GRIK4: variants seen among roughly 807,000 people sequenced by gnomAD.
GRIK4 encodes glutamate ionotropic receptor kainate type subunit 4, also known as glutamate receptor ionotropic, kainate 4.
In GRIK4, 40 loss-of-function variants were observed where a neutral mutation model predicts 104.9. The observed-to-expected ratio is 0.38, with a 90% CI of 0.30 to 0.50. The LOEUF (loss-of-function observed/expected upper bound fraction) is 0.50. Ranked by LOEUF, GRIK4 falls within the 20% of genes least tolerant of loss-of-function variation. GRIK4 has a pLI of 0.93. For synonymous variants in GRIK4, 485 were observed against 524.9 expected (o/e 0.92, Z 1.04); for missense variants, 1,047 against 1,308.1 (o/e 0.80, Z 3.08).
Position 120,527,137 on chromosome 11 carries a change from G to A in GRIK4, c.-159+15250G>A, listed in dbSNP as rs1947865485. Among the ~76,000 whole-genome samples the A allele has an allele frequency of 3.9e-5, 6 of 152,256 alleles. No homozygotes were observed. The South Asian group carries it at 1.2e-3, about 31-fold the overall frequency. On this transcript the variant is annotated intron_variant, in intron 1 of 20. Transcript: ENST00000527524. ...AGCACCCAGTCCTGGGGAACCTGGA[G>A]GATGCAAAGGCAGGTGGGGTTGCCC...
rs1348446397 is a variant in GRIK4, at chr11:120,819,373, A to C, written c.346-382A>C. The stretch of plus-strand genomic sequence containing the variant: ...GTCTCTGCTCTGATGTATTAACTAC[A>C]AATAAAATATTCTAAGGATTATGCT... On this transcript the variant is annotated intron_variant, in intron 5 of 20. Coordinates refer to ENST00000527524, the MANE Select transcript of GRIK4 (RefSeq NM_014619.5). The surrounding 1 kb of genome is among the most constrained non-coding windows in gnomAD (Gnocchi z 4.3). Among the ~76,000 whole-genome samples, 4 of 152,214 alleles carry C rather than the reference A, an allele frequency of 2.6e-5. No homozygotes were observed. The East Asian group carries it at 7.7e-4, about 29-fold the overall frequency.
intron 3 of GRIK4, among the ~76,000 whole-genome samples, chr11:120,758,880 T>C (rs1226808718): frequency 6.6e-6 from 1 of 152,200 alleles, no homozygotes; most frequent in Non-Finnish European, 1.5e-5. Flanking sequence ...TGCAGTTTAG[T>C]CAGCACCTAA....
intron 1 of GRIK4, among the ~76,000 whole-genome samples, chr11:120,638,374 C>A (rs561124287): frequency 6.6e-6 from 1 of 152,262 alleles, no homozygotes; most frequent in South Asian, 2.1e-4. Flanking sequence ...GGTTAAGTAA[C>A]CTGCATGGGA....
At chr11:120,652,980 T>A (rs1039923865) in intron 1 of GRIK4, among the ~76,000 whole-genome samples, 5 of 152,198 alleles carry the variant, frequency 3.3e-5, no homozygotes, top group African/African-American at 9.7e-5. Context: ...CAGCAAACAT[T>A]TATTAAACTT....
At chr11:120,656,255 A>G (rs1380418613) in intron 2 of GRIK4, among the ~76,000 whole-genome samples, 2 of 152,234 alleles carry the variant, frequency 1.3e-5, no homozygotes, top group Non-Finnish European at 2.9e-5. Flanking sequence ...AGCAGTTAAG[A>G]TAGAAAAGCT....
intron 3 of GRIK4, among the ~76,000 whole-genome samples, chr11:120,780,193 C>G (rs1231300820): frequency 6.6e-6 from 1 of 152,126 alleles, no homozygotes; most frequent in Non-Finnish European, 1.5e-5. Context: ...CTGTTTTAAC[C>G]AATTTTTAGT....
At chr11:120,933,629 G>A (rs1943526558) in intron 13 of GRIK4, among the ~76,000 whole-genome samples, 1 of 152,046 alleles carries the variant, frequency 6.6e-6, no homozygotes, top group Admixed American at 6.5e-5. Context: ...TGCCTTAATA[G>A]CCCCTTATTG....
intron 6 of GRIK4, among the ~76,000 whole-genome samples, chr11:120,821,235 GGA>G (rs1953119771): frequency 6.6e-6 from 1 of 152,244 alleles, no homozygotes; most frequent in Non-Finnish European, 1.5e-5. Context: ...GGCCAGTCGA[GGA>G]GAGTGTCCCT....
Position 120,537,090 on chromosome 11 carries a change from G to A in GRIK4, c.-159+25203G>A, listed in dbSNP as rs1328885036. Reference sequence around the variant, plus strand: ...GAGCTGGCAAGAGGGCAAGGGAGCCGAGACCTGTTTCCTGGGAGGTGTCCT... The same window carrying A: ...GAGCTGGCAAGAGGGCAAGGGAGCCAAGACCTGTTTCCTGGGAGGTGTCCT... On this transcript the variant is annotated intron_variant, in intron 1 of 20. Coordinates refer to ENST00000527524, the MANE Select transcript of GRIK4 (RefSeq NM_014619.5). Among the ~76,000 whole-genome samples the A allele has an allele frequency of 3.3e-5, 5 of 152,312 alleles. No individual in the cohort carries two copies. The South Asian group carries it at 6.2e-4, about 19-fold the overall frequency.
chr11:120,566,512 A>G (rs1278023079), intron 1 of GRIK4, among the ~76,000 whole-genome samples: 1 of 152,220 alleles, frequency 6.6e-6, no homozygotes, highest in Non-Finnish European at 1.5e-5. Flanking sequence ...TTTGGAATAA[A>G]GAAGGTGCTG....
At chr11:120,976,069 G>A (rs899068084) in intron 19 of GRIK4, among the ~76,000 whole-genome samples, 15 of 152,140 alleles carry the variant, frequency 9.9e-5, no homozygotes, top group Admixed American at 4.6e-4. Context: ...TAGAATTCAC[G>A]TTAGTTATGA....
intron 1 of GRIK4, among the ~76,000 whole-genome samples, chr11:120,575,399 C>T (rs1281204195): frequency 2.0e-5 from 3 of 152,144 alleles, no homozygotes; most frequent in Non-Finnish European, 2.9e-5. Context: ...TTGTCTGCGT[C>T]GTTTTACTTC....
intron 1 of GRIK4, among the ~76,000 whole-genome samples, chr11:120,645,599 C>T (rs1949532698): frequency 6.6e-6 from 1 of 152,200 alleles, no homozygotes; most frequent in African/African-American, 2.4e-5. Flanking sequence ...TCCTTGGCAT[C>T]CACGTGGACA....
chr11:120,834,092 T>C (rs1953507912), intron 7 of GRIK4, among the ~76,000 whole-genome samples: 1 of 152,198 alleles, frequency 6.6e-6, no homozygotes, highest in Non-Finnish European at 1.5e-5. Flanking sequence ...AGCATACATT[T>C]CTAGAAGTGG....
At chr11:120,837,904 G>A (rs562515257) in intron 8 of GRIK4, among the ~76,000 whole-genome samples, 42 of 152,100 alleles carry the variant, frequency 2.8e-4, no homozygotes, top group Middle Eastern at 3.2e-3. Flanking sequence ...GAGGGAAAAG[G>A]CAGGCCAGTG....
chr11:120,602,383 A>T (rs904057866), intron 1 of GRIK4, among the ~76,000 whole-genome samples: 1 of 152,152 alleles, frequency 6.6e-6, no homozygotes, highest in Non-Finnish European at 1.5e-5. Flanking sequence ...CTGTTCAGGG[A>T]GTGCCAGCCC....
Position 120,526,196 on chromosome 11 carries a change from G to C in GRIK4, c.-159+14309G>C, listed in dbSNP as rs115684486. ...CATTCCTTGAGCTGCACACTTATGT[G>C]CACTTCTCTTTCTTTTTTTCCTTTG... is the stretch of plus-strand genomic sequence containing the variant. On this transcript the variant is annotated intron_variant, in intron 1 of 20. Coordinates refer to ENST00000527524, the MANE Select transcript of GRIK4 (RefSeq NM_014619.5). Among the ~76,000 whole-genome samples the C allele has an allele frequency of 2.9e-3, 438 of 152,132 alleles. 1 individual carries two copies. Among genetic ancestry groups the C allele is most frequent in the African/African-American group, 0.01 (426 of 41,482 alleles).
intron 3 of GRIK4, among the ~76,000 whole-genome samples, chr11:120,763,021 A>C (rs551551556): frequency 6.6e-6 from 1 of 152,280 alleles, no homozygotes; most frequent in African/African-American, 2.4e-5. Flanking sequence ...AAGGAATGGT[A>C]CCAGCTCCTT....
At chr11:120,778,057 G>A (rs1244440774) in intron 3 of GRIK4, among the ~76,000 whole-genome samples, 2 of 152,170 alleles carry the variant, frequency 1.3e-5, no homozygotes, top group African/African-American at 4.8e-5. Flanking sequence ...ACAAGGACCG[G>A]AGACCAGTAC....
Sources: allele counts gnomAD v4.1 joint callset (sites outside exome capture counted in the v4.1 genomes callset), GRCh38; gene constraint gnomAD v4.1.1; non-coding constraint Gnocchi (gnomAD v3.1); transcripts MANE v1.5; gene names NCBI Gene and HGNC (gene_info 2026-07-23, HGNC 2026-07-21).